LINGO2: variants seen among roughly 807,000 people sequenced by gnomAD.
The protein encoded by LINGO2 is leucine-rich repeat and immunoglobulin-like domain-containing nogo receptor-interacting protein 2.
LINGO2 carries 14 observed loss-of-function variants against 30.6 expected under a neutral mutation model. The observed-to-expected ratio is 0.46, with a 90% CI of 0.30 to 0.72. The LOEUF is 0.72. Among genes scored for constraint, LINGO2 ranks in the 30% least tolerant of loss-of-function variants. The pLI is 0.07. For missense variants in LINGO2, 729 were observed against 751.7 expected (o/e 0.97, Z 0.35); for synonymous variants, 317 against 288.5 (o/e 1.10, Z -1.00).
the LINGO2 span, among the ~76,000 whole-genome samples, chr9:29,200,417 G>A: frequency 6.6e-6 from 1 of 152,014 alleles, no homozygotes; most frequent in Non-Finnish European, 1.5e-5. Flanking sequence ...TTCTTTTTCA[G>A]TGATACAGAA....
chr9:29,087,155 G>A, the LINGO2 span, among the ~76,000 whole-genome samples: 1 of 152,136 alleles, frequency 6.6e-6, no homozygotes, highest in South Asian at 2.1e-4. Context: ...GGGATTACAG[G>A]CGTGAGCCAC....
the LINGO2 span, among the ~76,000 whole-genome samples, chr9:28,895,952 G>A: frequency 6.6e-6 from 1 of 152,110 alleles, no homozygotes; most frequent in African/African-American, 2.4e-5. Flanking sequence ...ATCTAAGATA[G>A]AGATAAAGAT....
intron 4 of LINGO2, among the ~76,000 whole-genome samples, chr9:28,202,431 C>T (rs1361963065): frequency 6.6e-6 from 1 of 152,110 alleles, no homozygotes; most frequent in Non-Finnish European, 1.5e-5. Context: ...GTTTACCAGC[C>T]ATACCTCCCT....
chr9:28,834,319 T>A, the LINGO2 span, among the ~76,000 whole-genome samples: 2 of 152,172 alleles, frequency 1.3e-5, no homozygotes, highest in African/African-American at 4.8e-5. Context: ...AGTGCATACA[T>A]TTTGTGAAAA....
chr9:28,806,788 C>G, the LINGO2 span, among the ~76,000 whole-genome samples: 32 of 152,052 alleles, frequency 2.1e-4, no homozygotes, highest in Non-Finnish European at 3.7e-4. Flanking sequence ...ACTGGAGCAG[C>G]AGGACCCAGT....
At chr9:28,672,091 T>C (rs1829041474), upstream of LINGO2, among the ~76,000 whole-genome samples, 1 of 152,080 alleles carries the variant, frequency 6.6e-6, no homozygotes, top group African/African-American at 2.4e-5. Context: ...CATGTCCTAT[T>C]AGGTTCTGGA....
intron 2 of LINGO2, among the ~76,000 whole-genome samples, chr9:28,399,977 G>A (rs1179945883): frequency 2.6e-5 from 4 of 152,096 alleles, no homozygotes; most frequent in South Asian, 2.1e-4. Flanking sequence ...AAATTAAAAC[G>A]AATGGTCTAT....
At chr9:29,146,370 C>T in the LINGO2 span, among the ~76,000 whole-genome samples, 309 of 140,618 alleles carry the variant, frequency 2.2e-3, 1 homozygote, top group African/African-American at 8.0e-3. Flanking sequence ...ACAAAACAAA[C>T]AAACAAAAAA....
At chr9:28,122,254 T>C (rs116887507) in intron 4 of LINGO2, among the ~76,000 whole-genome samples, 2,160 of 152,314 alleles carry the variant, frequency 0.014, 21 homozygotes, top group Non-Finnish European at 0.023. Flanking sequence ...TCAGGAAAGA[T>C]AGACTCAAGC....
chr9:28,766,541 G>T, the LINGO2 span, among the ~76,000 whole-genome samples: 1 of 151,604 alleles, frequency 6.6e-6, no homozygotes, highest in Non-Finnish European at 1.5e-5. Context: ...ATTAAAAATA[G>T]AACTACTATA....
At chr9:28,177,004 C>CA (rs566589178) in intron 4 of LINGO2, among the ~76,000 whole-genome samples, 2 of 152,136 alleles carry the variant, frequency 1.3e-5, no homozygotes, top group African/African-American at 2.4e-5. Flanking sequence ...TCAAGCTTCC[C>CA]AGACTCTGAT....
At chr9:27,957,907 A>G (rs1384306949) in intron 5 of LINGO2, among the ~76,000 whole-genome samples, 2 of 152,152 alleles carry the variant, frequency 1.3e-5, no homozygotes, top group Non-Finnish European at 2.9e-5. Context: ...TCATCTAGAA[A>G]TAAAGACAGT....
At chr9:27,968,944 A>C (rs971457147) in intron 5 of LINGO2, among the ~76,000 whole-genome samples, 1 of 151,800 alleles carries the variant, frequency 6.6e-6, no homozygotes. Context: ...GGTAGAGAGA[A>C]GATCAAATAT....
chr9:27,949,474 C>T, exon 6 of LINGO2: 1 of 1,614,050 alleles, frequency 6.2e-7, no homozygotes, highest in Non-Finnish European at 8.5e-7. Flanking sequence ...AAAGAAAGGG[C>T]AGTGCTATGG....
chr9:28,099,408 C>T lies in LINGO2; in HGVS notation c.-86-87003G>A, dbSNP rs562725349. ...TTTTCTTATACCCTAATGTTTGTTC[C>T]ATGATGGAAGCTTAAATACCACGTG... On this transcript the variant is annotated intron_variant, in intron 4 of 5. Transcript: ENST00000379992. 1.6e-4 allele frequency among the ~76,000 whole-genome samples: 25 copies of T among 152,138 alleles called. No homozygotes were observed. In the South Asian group the frequency reaches 5.0e-3, roughly 30 times the overall value.
chr9:28,685,118 T>C, the LINGO2 span, among the ~76,000 whole-genome samples: 4 of 152,220 alleles, frequency 2.6e-5, no homozygotes, highest in Non-Finnish European at 5.9e-5. Flanking sequence ...CTTAGGATAA[T>C]GGCTTCTAGC....
At chr9:28,509,438 T>C (rs938586438) in intron 1 of LINGO2, among the ~76,000 whole-genome samples, 1 of 152,178 alleles carries the variant, frequency 6.6e-6, no homozygotes, top group African/African-American at 2.4e-5. Flanking sequence ...AATATTTTCC[T>C]ATCTGGATAT....
the LINGO2 span, among the ~76,000 whole-genome samples, chr9:28,928,442 A>G: frequency 6.6e-6 from 1 of 152,144 alleles, no homozygotes; most frequent in African/African-American, 2.4e-5. Context: ...CTTGAACAAC[A>G]TGAGTTTGAA....
chr9:29,071,646 A>G, the LINGO2 span, among the ~76,000 whole-genome samples: 1 of 151,746 alleles, frequency 6.6e-6, no homozygotes, highest in African/African-American at 2.4e-5. Flanking sequence ...GCAAAGCACT[A>G]AGGTGAAAAC....
Sources: gnomAD v4.1 joint callset for allele counts (sites outside exome capture counted in the v4.1 genomes callset) on GRCh38, gnomAD v4.1.1 for gene constraint, MANE v1.5 for transcripts, NCBI Gene and HGNC (gene_info 2026-07-23, HGNC 2026-07-21) for gene names.